The following SRGAP1 variants were observed in gnomAD, a reference collection of about 807,000 sequenced individuals.
The protein encoded by SRGAP1 is SLIT-ROBO Rho GTPase-activating protein 1.
SRGAP1 carries 43 observed loss-of-function variants against 121.9 expected under a neutral mutation model. The observed-to-expected ratio is 0.35, with a 90% confidence interval of 0.28 to 0.46. The LOEUF is 0.46. Ranked by LOEUF, SRGAP1 falls within the 20% of genes least tolerant of loss-of-function variation. The pLI, the probability that SRGAP1 is intolerant of heterozygous loss-of-function variation, is 1.00. For missense variants in SRGAP1, 1,102 were observed against 1,350.9 expected (o/e 0.82, Z 2.89); for synonymous variants, 447 against 485.4 (o/e 0.92, Z 1.04).
chr12:63,878,232 G>A (rs1900088138), intron 1 of SRGAP1, among the ~76,000 whole-genome samples: 1 of 152,150 alleles, frequency 6.6e-6, no homozygotes, highest in South Asian at 2.1e-4. Flanking sequence ...AACTTTTTCT[G>A]TGAAGAGCCA....
rs1326469117 is a variant in SRGAP1, at chr12:63,844,877, G to C, written c.61G>C (p.Val21Leu). 1 of 1,614,056 alleles carries C rather than the reference G, an allele frequency of 6.2e-7. No homozygotes were observed. The highest frequency in any genetic ancestry group is 8.5e-7 in the Non-Finnish European group (1 of 1,180,024). ...GATCATAGCCGAGTATGAAAGTCAA[G>C]TCAAAGGTAAGGATGGGAGCGGCTG... The part of the protein sequence containing the change: ...KEIIAEYESQ[V>L]KEIRAQLVEQ... Residue 21 changes from valine (V) to leucine (L), a missense_variant, in exon 1 of 22, where the codon GTC (valine) becomes CTC (leucine). By Grantham distance (32) the Val-to-Leu change is conservative. Around this residue, in one of 3 missense-constraint regions of SRGAP1, gnomAD observed 747 missense variants for 929.4 expected, o/e 0.80. Coordinates refer to ENST00000355086, the MANE Select transcript of SRGAP1 (RefSeq NM_020762.4). The surrounding 1 kb of genome is among the most constrained non-coding windows in gnomAD (Gnocchi z 4.3).
At chr12:63,910,073 T>C (rs1056037848) in intron 1 of SRGAP1, among the ~76,000 whole-genome samples, 1 of 152,248 alleles carries the variant, frequency 6.6e-6, no homozygotes, top group African/African-American at 2.4e-5. Context: ...CACATAAAAC[T>C]AAGGATCAGA....
At chr12:63,979,095 A>G (rs933607290) in intron 1 of SRGAP1, among the ~76,000 whole-genome samples, 1 of 126,814 alleles carries the variant, frequency 7.9e-6, no homozygotes, top group Non-Finnish European at 1.5e-5. Flanking sequence ...GCTGGAGTGC[A>G]GTGGCACGAT....
At chr12:63,954,092 A>C (rs2032381681) in intron 1 of SRGAP1, among the ~76,000 whole-genome samples, 2 of 152,158 alleles carry the variant, frequency 1.3e-5, no homozygotes, top group South Asian at 4.1e-4. Context: ...CTTCTATAAA[A>C]CTTTGCAGAG....
chr12:64,107,763 A>G (rs893257252), intron 15 of SRGAP1, among the ~76,000 whole-genome samples: 5 of 152,236 alleles, frequency 3.3e-5, no homozygotes, highest in African/African-American at 1.2e-4. Flanking sequence ...ATATGGTGAT[A>G]TAAAAGTATA....
chr12:63,844,718 G>C lies in SRGAP1; in HGVS notation c.-99G>C. On this transcript the variant is annotated 5_prime_UTR_variant, in exon 1 of 22. Coordinates refer to ENST00000355086, the MANE Select transcript of SRGAP1 (RefSeq NM_020762.4). This position sits in a 1 kb window ranked among gnomAD's most constrained non-coding sequence, Gnocchi z 4.3. ...CTCGGGTCGGCGCTGCCTCTGGATTGCCTGCGTGTGGGAGTACAACTCTGC... is the reference window on the plus strand; with the variant it reads ...CTCGGGTCGGCGCTGCCTCTGGATTCCCTGCGTGTGGGAGTACAACTCTGC... The C allele has an allele frequency of 8.6e-7, 1 of 1,163,732 alleles. No individual in the cohort carries two copies. Among genetic ancestry groups the C allele is most frequent in the South Asian group, 1.2e-5 (1 of 81,798 alleles). The allele number at this position is 1,163,732 out of a possible 1,614,324, so 72.1% of individuals were successfully genotyped here. A position where few individuals can be genotyped will look rare whatever the true frequency, so the allele number is the denominator to read the frequency against.
intron 1 of SRGAP1, among the ~76,000 whole-genome samples, chr12:63,945,917 A>C (rs2032029757): frequency 6.6e-6 from 1 of 151,554 alleles, no homozygotes; most frequent in South Asian, 2.1e-4. Context: ...CATCCTCTGC[A>C]ACACCTTTCT....
chr12:64,118,999 A>C (rs903595044), intron 18 of SRGAP1, among the ~76,000 whole-genome samples: 2 of 152,186 alleles, frequency 1.3e-5, no homozygotes, highest in Non-Finnish European at 2.9e-5. Flanking sequence ...GAGCCACTGC[A>C]TCCAGCCCCA....
At position 64,147,999 on chromosome 12, in the gene SRGAP1, A is replaced by T. The variant is rs1314862903; in HGVS notation, c.*5327A>T. ...ACTTTCATTTCTTGTTCATTTGGAAATAGGGTGTCCTGCACAGGGCCCTGC... is the reference window on the plus strand; with the variant it reads ...ACTTTCATTTCTTGTTCATTTGGAATTAGGGTGTCCTGCACAGGGCCCTGC... On this transcript the variant is annotated 3_prime_UTR_variant, in exon 22 of 22. Coordinates refer to ENST00000355086, the MANE Select transcript of SRGAP1 (RefSeq NM_020762.4). The T allele has an allele frequency of 5.4e-6, 1 of 185,978 alleles. No individual in the cohort carries two copies. Among genetic ancestry groups the T allele is most frequent in the Non-Finnish European group, 1.1e-5 (1 of 90,748 alleles). 11.5% of individuals were successfully genotyped at this position (185,978 alleles called of 1,614,324 possible). A position where few individuals can be genotyped will look rare whatever the true frequency, so the allele number is the denominator to read the frequency against.
At chr12:63,927,551 A>G (rs2031306723) in intron 1 of SRGAP1, among the ~76,000 whole-genome samples, 1 of 152,214 alleles carries the variant, frequency 6.6e-6, no homozygotes, top group Non-Finnish European at 1.5e-5. Flanking sequence ...CATTTTCATT[A>G]TGCCTTTCAC....
At chr12:64,016,460 C>G (rs2034404867) in intron 3 of SRGAP1, among the ~76,000 whole-genome samples, 1 of 152,056 alleles carries the variant, frequency 6.6e-6, no homozygotes, top group African/African-American at 2.4e-5. Context: ...GCGCTGCAGC[C>G]TGGGTGACAG....
At chr12:63,966,956 A>G (rs2032806583) in intron 1 of SRGAP1, among the ~76,000 whole-genome samples, 1 of 152,156 alleles carries the variant, frequency 6.6e-6, no homozygotes, top group Non-Finnish European at 1.5e-5. Flanking sequence ...TTTTCCTAAG[A>G]ATTTCCATAT....
intron 1 of SRGAP1, among the ~76,000 whole-genome samples, chr12:63,931,721 T>A (rs2031482610): frequency 6.6e-6 from 1 of 152,182 alleles, no homozygotes; most frequent in East Asian, 1.9e-4. Context: ...GATCATACTT[T>A]ATTGGGGAAG....
chr12:64,122,257 ATTATTG>A (rs1349714782), intron 18 of SRGAP1, among the ~76,000 whole-genome samples: 2 of 152,184 alleles, frequency 1.3e-5, no homozygotes, highest in Non-Finnish European at 2.9e-5. Flanking sequence ...CACTCTCACT[ATTATTG>A]TTATTGATAG....
At chr12:63,858,396 T>C (rs1283439045) in intron 1 of SRGAP1, among the ~76,000 whole-genome samples, 1 of 151,924 alleles carries the variant, frequency 6.6e-6, no homozygotes, top group Non-Finnish European at 1.5e-5. Context: ...ATTCCTGGAC[T>C]CAGAGAATTC....
In SRGAP1 at chr12:64,018,725, C is replaced by T. The variant is rs181224842; in HGVS notation, c.489+1713C>T. On this transcript the variant is annotated intron_variant, in intron 4 of 21. Transcript: ENST00000355086. The stretch of plus-strand genomic sequence containing the variant: ...CTCTCCATGCAACCTACAAAAGCCT[C>T]AGGTTAAGAGATTATATCTATATAC... Among the ~76,000 whole-genome samples the T allele has an allele frequency of 2.5e-3, 376 of 152,290 alleles. 2 individuals are homozygous for T. The highest frequency in any genetic ancestry group is 4.6e-3 in the Non-Finnish European group (313 of 68,034).
rs144647166 is a variant in SRGAP1 at position 64,127,700 on chromosome 12, G to A, written c.2516G>A (p.Arg839His). 8.7e-6 allele frequency: 14 copies of A among 1,614,138 alleles called. No individual in the cohort carries two copies. The highest frequency in any genetic ancestry group is 2.2e-5 in the South Asian group (2 of 91,076). ...AAGGACATGAACTCCCCGACAGACCGTCATCCTGACGGCTATTTAGCCAGG... is the reference window on the plus strand; with the variant it reads ...AAGGACATGAACTCCCCGACAGACCATCATCCTGACGGCTATTTAGCCAGG... ...SSKDMNSPTD[R>H]HPDGYLARQR... Residue 839 changes from arginine to histidine, a missense_variant, in exon 20 of 22, where the codon CGT becomes CAT. By Grantham distance (29) the Arg-to-His change is conservative. Around this residue, in one of 3 missense-constraint regions of SRGAP1, gnomAD observed 315 missense variants for 343.1 expected, o/e 0.92. Transcript: ENST00000355086.
intron 1 of SRGAP1, among the ~76,000 whole-genome samples, chr12:63,911,027 C>T (rs1185901340): frequency 1.3e-5 from 2 of 151,948 alleles, no homozygotes; most frequent in African/African-American, 2.4e-5. Context: ...TGGCCAGGTG[C>T]GGTGGCTCAT....
Position 64,062,994 on chromosome 12 carries a change from C to T in SRGAP1, c.879C>T (p.Thr293=). The change falls in exon 7 of 22, where the codon ACC becomes ACT. Residue 293 remains threonine, a synonymous_variant. Transcript: ENST00000355086. ...TGTCTGCGGAGTACAACCTTGAAAC[C>T]TCCAGACATGAGGGCTTAGACATTA... ...TYLSAEYNLE[T]SRHEGLDIIE... 1 of 1,614,016 alleles carries T rather than the reference C, an allele frequency of 6.2e-7. No individual in the cohort carries two copies. Among genetic ancestry groups the T allele is most frequent in the Non-Finnish European group, 8.5e-7 (1 of 1,179,988 alleles).
Sources: allele counts gnomAD v4.1 joint callset (sites outside exome capture counted in the v4.1 genomes callset), GRCh38; gene constraint gnomAD v4.1.1; regional missense constraint gnomAD v4.1.1; non-coding constraint Gnocchi (gnomAD v3.1); transcripts MANE v1.5; gene names NCBI Gene and HGNC (gene_info 2026-07-23, HGNC 2026-07-21).